NR3C2: variants seen among roughly 807,000 people sequenced by gnomAD.
NR3C2 encodes the protein mineralocorticoid receptor.
In NR3C2, 15 loss-of-function variants were observed where a neutral mutation model predicts 86.4. That is an observed-to-expected ratio of 0.17 (90% CI 0.12 to 0.27). The LOEUF (loss-of-function observed/expected upper bound fraction) is 0.27, where lower values mean the gene tolerates loss of function less well. Among genes scored for constraint, NR3C2 ranks in the 10% least tolerant of loss-of-function variants. NR3C2 has a pLI of 1.00. For synonymous variants in NR3C2, 458 were observed against 450.5 expected (o/e 1.02, Z -0.21); for missense variants, 960 against 1,195.6 (o/e 0.80, Z 2.91).
chr4:148,363,915 A>G (rs1579208661), intron 2 of NR3C2, among the ~76,000 whole-genome samples: 1 of 152,220 alleles, frequency 6.6e-6, no homozygotes, highest in East Asian at 1.9e-4. Flanking sequence ...GGTGTGTTAC[A>G]GATAGAAAAT....
intron 6 of NR3C2, among the ~76,000 whole-genome samples, chr4:148,136,038 C>A (rs1341766634): frequency 2.4e-5 from 2 of 83,066 alleles, no homozygotes; most frequent in Non-Finnish European, 2.2e-5. Flanking sequence ...GCCTGGGCGA[C>A]AGAGCGAGAC....
chr4:148,166,909 G>C (rs1448395989), intron 4 of NR3C2, among the ~76,000 whole-genome samples: 2 of 151,626 alleles, frequency 1.3e-5, no homozygotes, highest in Non-Finnish European at 2.9e-5. Flanking sequence ...TTTTTTGGGG[G>C]GAGACTGGGG....
intron 8 of NR3C2, among the ~76,000 whole-genome samples, chr4:148,084,377 A>T: frequency 6.6e-6 from 1 of 152,210 alleles, no homozygotes; most frequent in Non-Finnish European, 1.5e-5. Flanking sequence ...AACATTCTTA[A>T]AAGAATTTTC....
chr4:148,271,468 T>G (rs1332265938), intron 2 of NR3C2, among the ~76,000 whole-genome samples: 1 of 149,152 alleles, frequency 6.7e-6, no homozygotes, highest in Non-Finnish European at 1.5e-5. Context: ...GCTGTTTTTT[T>G]GGCCACTAAG....
chr4:148,158,852 C>T lies in NR3C2; in HGVS notation c.2015-3951G>A, dbSNP rs913064495. 1.8e-4 allele frequency among the ~76,000 whole-genome samples: 28 copies of T among 152,268 alleles called. No individual in the cohort carries two copies. The South Asian group carries it at 3.9e-3, about 21-fold the overall frequency. On this transcript the variant is annotated intron_variant, in intron 4 of 8. Transcript: ENST00000358102. ...CCTAGGGAGCTGATTATCGACATCA[C>T]ATTTAGCATTTCAGGTACATTTAAC...
chr4:148,330,449 T>C (rs1744173324), intron 2 of NR3C2, among the ~76,000 whole-genome samples: 1 of 152,140 alleles, frequency 6.6e-6, no homozygotes, highest in Non-Finnish European at 1.5e-5. Context: ...CTTGCCAATA[T>C]TGTAGCATCC....
intron 3 of NR3C2, among the ~76,000 whole-genome samples, chr4:148,235,507 C>T (rs1235290813): frequency 2.0e-5 from 3 of 152,056 alleles, no homozygotes; most frequent in Non-Finnish European, 4.4e-5. Flanking sequence ...GAATTAAAAG[C>T]AGAATTGTTC....
Position 148,081,404 on chromosome 4 carries a change from G to A in NR3C2, c.2895C>T (p.Ser965=), listed in dbSNP as rs763867302. 16 of 1,614,018 alleles carry A rather than the reference G, an allele frequency of 9.9e-6. No homozygotes were observed. Among genetic ancestry groups the A allele is most frequent in the African/African-American group, 2.7e-5 (2 of 74,910 alleles). Residue 965 remains serine (S), a synonymous_variant, in exon 9 of 9, where the codon AGC becomes AGT. Transcript: ENST00000358102. Reference sequence around the variant, plus strand: ...CCGACTCCACCTTGGGCAGCTGGTCGCTGATGATCTCCACCAGCATTGCGG... The same window carrying A: ...CCGACTCCACCTTGGGCAGCTGGTCACTGATGATCTCCACCAGCATTGCGG... ...EFPAMLVEII[S]DQLPKVESGN...
intron 2 of NR3C2, among the ~76,000 whole-genome samples, chr4:148,333,453 G>A (rs527279728): frequency 6.6e-6 from 1 of 152,080 alleles, no homozygotes; most frequent in South Asian, 2.1e-4. Context: ...AGTTTCCTTT[G>A]TAGCTAGATA....
At chr4:148,111,326 C>G (rs1046036518) in intron 8 of NR3C2, among the ~76,000 whole-genome samples, 2 of 152,158 alleles carry the variant, frequency 1.3e-5, no homozygotes, top group African/African-American at 4.8e-5. Context: ...CTAACCACGC[C>G]AAGAGTTGGC....
rs542175292 is a variant in NR3C2 at position 148,115,657 on chromosome 4, A to G, written c.2642-1396T>C. 7.2e-5 allele frequency among the ~76,000 whole-genome samples: 11 copies of G among 152,298 alleles called. No individual in the cohort carries two copies. In the East Asian group the frequency reaches 2.1e-3, roughly 29 times the overall value. ...CACATAAACCCTGTTACCCTACAAA[A>G]AGATATGGATTATCTTGCAAATTAA... is the stretch of plus-strand genomic sequence containing the variant. On this transcript the variant is annotated intron_variant, in intron 7 of 8. Coordinates refer to ENST00000358102, the MANE Select transcript of NR3C2 (RefSeq NM_000901.5).
At chr4:148,136,105 C>CAAAAAA (rs1194370501) in intron 6 of NR3C2, among the ~76,000 whole-genome samples, 1 of 134,230 alleles carries the variant, frequency 7.4e-6, no homozygotes, top group South Asian at 2.5e-4. Flanking sequence ...CCAAAACCAA[C>CAAAAAA]AAAAAAAACA....
At chr4:148,098,774 A>G (rs1731409418) in intron 8 of NR3C2, among the ~76,000 whole-genome samples, 1 of 152,214 alleles carries the variant, frequency 6.6e-6, no homozygotes, top group Non-Finnish European at 1.5e-5. Context: ...TATGACCTTG[A>G]TAAACTTAAT....
intron 2 of NR3C2, among the ~76,000 whole-genome samples, chr4:148,277,634 ATAG>A (rs1323338405): frequency 6.6e-6 from 1 of 152,226 alleles, no homozygotes; most frequent in African/African-American, 2.4e-5. Context: ...TAAACAAAAA[ATAG>A]TATTAAATAA....
At position 148,261,907 on chromosome 4, in the gene NR3C2, C is replaced by T. The variant is rs573385061; in HGVS notation, c.1758-1790G>A. Among the ~76,000 whole-genome samples, 4 of 152,304 alleles carry T rather than the reference C, an allele frequency of 2.6e-5. No homozygotes were observed. The South Asian group carries it at 8.3e-4, about 32-fold the overall frequency. ...TATACAGCTGCTTAGAGCATGACTG[C>T]CTTTCTAGAAAATGACTTCTTAAAT... On this transcript the variant is annotated intron_variant, in intron 2 of 8. Coordinates refer to ENST00000358102, the MANE Select transcript of NR3C2 (RefSeq NM_000901.5).
chr4:148,240,308 C>G (rs1364514651), intron 3 of NR3C2, among the ~76,000 whole-genome samples: 1 of 147,330 alleles, frequency 6.8e-6, no homozygotes, highest in African/African-American at 2.5e-5. Context: ...GTCTTTAAAC[C>G]CCAATGTGCG....
chr4:148,372,714 C>A (rs1340423698), intron 2 of NR3C2, among the ~76,000 whole-genome samples: 1 of 152,138 alleles, frequency 6.6e-6, no homozygotes, highest in African/African-American at 2.4e-5. Context: ...CACTTGAAGT[C>A]AAACATTCAC....
chr4:148,087,300 T>C (rs1730859026), intron 8 of NR3C2, among the ~76,000 whole-genome samples: 1 of 152,128 alleles, frequency 6.6e-6, no homozygotes, highest in African/African-American at 2.4e-5. Flanking sequence ...AGAACAAATA[T>C]CATGAAAATG....
At chr4:148,386,214 C>T (rs780808481) in intron 2 of NR3C2, among the ~76,000 whole-genome samples, 6 of 152,162 alleles carry the variant, frequency 3.9e-5, no homozygotes, top group Non-Finnish European at 8.8e-5. Context: ...GAGGACTCCT[C>T]TCCCCTCTCT....
Sources: allele counts gnomAD v4.1 joint callset (sites outside exome capture counted in the v4.1 genomes callset), GRCh38; gene constraint gnomAD v4.1.1; transcripts MANE v1.5; gene names NCBI Gene and HGNC (gene_info 2026-07-23, HGNC 2026-07-21).